The following PI4K2B variants were observed in gnomAD, a reference collection of about 807,000 sequenced individuals.
PI4K2B encodes the protein phosphatidylinositol 4-kinase type 2-beta.
A neutral mutation model predicts 56.6 loss-of-function variants in PI4K2B; 46 were observed. The ratio of observed to expected loss-of-function variants is 0.81; its 90% confidence interval spans 0.64 to 1.04. The LOEUF is 1.04. PI4K2B is among the 50% of genes least tolerant of loss of function. The pLI, the probability that PI4K2B is intolerant of heterozygous loss-of-function variation, is 0.00. For missense variants in PI4K2B, 556 were observed against 607.7 expected, an observed-to-expected ratio of 0.91 and a Z score of 0.89; for synonymous variants, 211 against 223.8, an observed-to-expected ratio of 0.94 and a Z score of 0.51.
At chr4:25,258,136 A>G (rs1358804415) in intron 4 of PI4K2B, among the ~76,000 whole-genome samples, 1 of 151,884 alleles carries the variant, frequency 6.6e-6, no homozygotes, top group Non-Finnish European at 1.5e-5. Flanking sequence ...TAAAACCGCT[A>G]TCAATATTAT....
Position 25,259,155 on chromosome 4 carries a change from G to A in PI4K2B, c.875G>A (p.Arg292Lys), listed in dbSNP as rs61757712. 72 of 1,579,068 alleles carry A rather than the reference G, an allele frequency of 4.6e-5. No individual in the cohort carries two copies. In the East Asian group the frequency reaches 1.6e-3, roughly 35 times the overall value. Residue 292 changes from arginine to lysine, a missense_variant, in exon 5 of 10, where the codon AGA becomes AAA. Coordinates refer to ENST00000264864, the MANE Select transcript of PI4K2B (RefSeq NM_018323.4). ...AAACAATTTCAGTCACAATTTGAAA[G>A]ATTAGTTATTTTGGATTACATCATC... ...IRKQFQSQFE[R>K]LVILDYIIRN...
chr4:25,251,838 A>ATTT (rs145793299), intron 1 of PI4K2B, among the ~76,000 whole-genome samples: 1 of 151,384 alleles, frequency 6.6e-6, no homozygotes, highest in African/African-American at 2.4e-5. Context: ...TATTATTATT[A>ATTT]TTTGGACGGT....
At chr4:25,260,888 TTTAG>T (rs1716450441) in intron 6 of PI4K2B, among the ~76,000 whole-genome samples, 1 of 149,386 alleles carries the variant, frequency 6.7e-6, no homozygotes, top group African/African-American at 2.4e-5. Flanking sequence ...TTTTTTTTTT[TTTAG>T]GGGTGGGATT....
At chr4:25,247,514 A>T (rs1329773346) in intron 1 of PI4K2B, among the ~76,000 whole-genome samples, 1 of 152,216 alleles carries the variant, frequency 6.6e-6, no homozygotes, top group Non-Finnish European at 1.5e-5. Flanking sequence ...GAAACAGTCA[A>T]ACAAACGGTC....
intron 7 of PI4K2B, among the ~76,000 whole-genome samples, chr4:25,265,198 C>CAAAAAAAAAAAAA (rs71188933): frequency 0.017 from 1,128 of 65,350 alleles, 75 homozygotes; most frequent in Middle Eastern, 0.037. Flanking sequence ...TCTGTCTCAC[C>CAAAAAAAAAAAAA]AAAAAAAAAA....
intron 9 of PI4K2B, among the ~76,000 whole-genome samples, chr4:25,272,425 G>A (rs1397711435): frequency 2.0e-5 from 3 of 152,060 alleles, no homozygotes; most frequent in African/African-American, 7.2e-5. Context: ...TGAGCTTTCC[G>A]ATAGCCAAAA....
chr4:25,269,042 C>A, intron 8 of PI4K2B, 102 bp from the exon 9 acceptor site: 1 of 600,826 alleles, frequency 1.7e-6, no homozygotes, highest in Non-Finnish European at 2.9e-6. Context: ...ATTAGGAAAG[C>A]TTTTTAATGG....
chr4:25,256,516 C>T (rs1275415359), intron 3 of PI4K2B, 27 bp from the exon 4 acceptor site: 1 of 1,597,964 alleles, frequency 6.3e-7, no homozygotes, highest in Non-Finnish European at 8.5e-7. Context: ...CAAATTCTAA[C>T]CATTTTTCTG....
intron 1 of PI4K2B, among the ~76,000 whole-genome samples, chr4:25,239,047 TAC>T (rs1333592114): frequency 4.4e-4 from 67 of 152,252 alleles, no homozygotes; most frequent in African/African-American, 1.6e-3. Flanking sequence ...ATTAGCTAGA[TAC>T]AGAGCACTGA....
intron 2 of PI4K2B, 70 bp from the exon 3 acceptor site, chr4:25,254,995 A>G (rs1339062391): frequency 1.0e-5 from 10 of 1,000,920 alleles, no homozygotes; most frequent in Non-Finnish European, 1.5e-5. Context: ...ACAATTTATT[A>G]GAATGCATTT....
intron 5 of PI4K2B, 116 bp from the exon 6 acceptor site, chr4:25,260,408 C>T (rs1301273279): frequency 7.2e-6 from 3 of 418,042 alleles, no homozygotes; most frequent in Non-Finnish European, 1.3e-5. Context: ...CTTTAATATG[C>T]TACAGATAAC....
In PI4K2B at chr4:25,269,211, A is replaced by G; in HGVS notation, c.1272+8A>G. ...TCTGTGATGAGGGGTCAGGTAAGTT[A>G]CCTTTTTATTTGTTCATAAGGAAAA... On this transcript the variant is annotated splice_region_variant and intron_variant, in intron 9 of 9. Transcript: ENST00000264864. The G allele has an allele frequency of 6.8e-7, 1 of 1,480,844 alleles. No individual in the cohort carries two copies. Among genetic ancestry groups the G allele is most frequent in the Non-Finnish European group, 9.4e-7 (1 of 1,061,248 alleles). The allele number at this position is 1,480,844 out of a possible 1,614,324, so 91.7% of individuals were successfully genotyped here.
At chr4:25,276,964 T>C (rs1237566957) in intron 9 of PI4K2B, 50 bp from the exon 10 acceptor site, 1 of 1,471,802 alleles carries the variant, frequency 6.8e-7, no homozygotes, top group South Asian at 1.5e-5. Context: ...GTCAGTGAAG[T>C]GAAGCTTTTT....
Position 25,260,608 on chromosome 4 carries a change from TTTTATATA to T in PI4K2B, c.978+19_978+26del. The T allele has an allele frequency of 2.3e-6, 1 of 429,234 alleles. No homozygotes were observed. The highest frequency in any genetic ancestry group is 3.9e-5 in the South Asian group (1 of 25,588). The allele number at this position is 429,234 out of a possible 1,614,324, so 26.6% of individuals were successfully genotyped here. A position where few individuals can be genotyped will look rare whatever the true frequency, so the allele number is the denominator to read the frequency against. ...GACCATAAGGTAAGGAAATTTACAATTTTATATATATATATATATATATATATATATAT... is the reference window on the plus strand; with the variant it reads ...GACCATAAGGTAAGGAAATTTACAATTATATATATATATATATATATATAT... On this transcript the variant is annotated intron_variant, in intron 6 of 9. Coordinates refer to ENST00000264864, the MANE Select transcript of PI4K2B (RefSeq NM_018323.4).
intron 1 of PI4K2B, among the ~76,000 whole-genome samples, chr4:25,243,062 T>C (rs561907829): frequency 6.6e-6 from 1 of 152,276 alleles, no homozygotes; most frequent in East Asian, 1.9e-4. Flanking sequence ...CCTCAGATGG[T>C]AGTGGACCTT....
At chr4:25,238,149 A>G (rs939009508) in intron 1 of PI4K2B, among the ~76,000 whole-genome samples, 3 of 152,236 alleles carry the variant, frequency 2.0e-5, no homozygotes, top group Non-Finnish European at 2.9e-5. Context: ...GTAAGATTAC[A>G]CAAGATGTAC....
At chr4:25,242,493 G>C (rs989758115) in intron 1 of PI4K2B, among the ~76,000 whole-genome samples, 1 of 152,204 alleles carries the variant, frequency 6.6e-6, no homozygotes, top group African/African-American at 2.4e-5. Flanking sequence ...CCAGAACCGT[G>C]AACCATTCTG....
At chr4:25,244,112 C>T (rs1484054619) in intron 1 of PI4K2B, among the ~76,000 whole-genome samples, 1 of 152,194 alleles carries the variant, frequency 6.6e-6, no homozygotes, top group African/African-American at 2.4e-5. Flanking sequence ...TCAGGATCAT[C>T]TGAAAACTTC....
intron 1 of PI4K2B, among the ~76,000 whole-genome samples, chr4:25,241,710 G>A (rs1237526737): frequency 6.6e-6 from 1 of 152,182 alleles, no homozygotes; most frequent in African/African-American, 2.4e-5. Flanking sequence ...CACTTAAACA[G>A]TGAGGCCAGC....
Sources: gnomAD v4.1 joint callset for allele counts (sites outside exome capture counted in the v4.1 genomes callset) on GRCh38, gnomAD v4.1.1 for gene constraint, MANE v1.5 for transcripts, NCBI Gene and HGNC (gene_info 2026-07-23, HGNC 2026-07-21) for gene names.